The following PIWIL3 variants were observed in gnomAD, a reference collection of about 807,000 sequenced individuals.
The protein encoded by PIWIL3 is piwi like RNA-mediated gene silencing 3, also known as piwi-like protein 3.
Under a neutral mutation model 109.7 loss-of-function variants are expected in PIWIL3, and 101 were observed. That is an observed-to-expected ratio of 0.92 (90% CI 0.78 to 1.09). PIWIL3 has a LOEUF of 1.09. Among genes scored for constraint, PIWIL3 ranks in the 50% least tolerant of loss-of-function variants. The pLI is 0.00. For synonymous variants in PIWIL3, 373 were observed against 376.4 expected (o/e 0.99, Z 0.10); for missense variants, 1,031 against 1,072.6 (o/e 0.96, Z 0.54).
At chr22:24,750,182 T>A (rs1221860675) in intron 9 of PIWIL3, among the ~76,000 whole-genome samples, 1 of 152,006 alleles carries the variant, frequency 6.6e-6, no homozygotes, top group Non-Finnish European at 1.5e-5. Context: ...AGAGGACAGT[T>A]TAAAGAGGGG....
rs1412141783 is a variant in PIWIL3 at position 24,724,867 on chromosome 22, T to C, written c.2231+20A>G. 1 of 1,608,216 alleles carries C rather than the reference T, an allele frequency of 6.2e-7. No homozygotes were observed. The highest frequency in any genetic ancestry group is 1.1e-5 in the South Asian group (1 of 90,216). ...GATTACAGGCATGAGTCACTACACA[T>C]TACAATTAATACAACCTACTTGTTA... On this transcript the variant is annotated intron_variant, in intron 18 of 20. Coordinates refer to ENST00000616349, the MANE Select transcript of PIWIL3 (RefSeq NM_001255975.1).
intron 14 of PIWIL3, among the ~76,000 whole-genome samples, chr22:24,730,222 A>T (rs938986131): frequency 1.3e-5 from 2 of 151,924 alleles, no homozygotes; most frequent in African/African-American, 2.4e-5. Flanking sequence ...AAAATTATCC[A>T]GGCATGGTGG....
At chr22:24,757,161 C>T (rs988517967) in intron 4 of PIWIL3, among the ~76,000 whole-genome samples, 3 of 151,308 alleles carry the variant, frequency 2.0e-5, no homozygotes, top group Non-Finnish European at 2.9e-5. Context: ...ATTTGTAATG[C>T]ACCTGATGTC....
intron 1 of PIWIL3, among the ~76,000 whole-genome samples, chr22:24,772,780 G>T (rs902735390): frequency 2.0e-5 from 3 of 152,244 alleles, no homozygotes; most frequent in Non-Finnish European, 4.4e-5. Context: ...GTGTCACAAT[G>T]ACATCGGGAA....
At chr22:24,758,648 T>G (rs1286549001) in intron 3 of PIWIL3, among the ~76,000 whole-genome samples, 1 of 152,228 alleles carries the variant, frequency 6.6e-6, no homozygotes. Context: ...CGTCTGTGCC[T>G]TGGGTTACAA....
intron 2 of PIWIL3, 100 bp downstream of exon 2, chr22:24,762,298 G>C (rs1925483522): frequency 6.7e-7 from 1 of 1,497,008 alleles, no homozygotes; most frequent in African/African-American, 1.4e-5. Flanking sequence ...TCCTCACTTA[G>C]CACTATACCT....
At chr22:24,762,583 G>T (rs916922074) in intron 1 of PIWIL3, 62 bp from the exon 2 acceptor site, 6 of 1,330,872 alleles carry the variant, frequency 4.5e-6, no homozygotes, top group Non-Finnish European at 6.1e-6. Context: ...CTCTCTTTAG[G>T]GTTGCTACAA....
In PIWIL3 at chr22:24,749,006, T is replaced by A. The variant is rs1924543630; in HGVS notation, c.1350A>T (p.Arg450=). ...TCAAATCCCAGAGTTGAAGTAACTC[T>A]CGTACTTTTTTATTACTGAAAATTA... ...INTLQDNKKV[R]ELLQLWDLKF... is the part of the protein sequence containing the mutation. The change falls in exon 12 of 21, where the codon CGA becomes CGT. Residue 450 remains arginine (R), a synonymous_variant. Transcript: ENST00000616349. 1 of 1,611,260 alleles carries A rather than the reference T, an allele frequency of 6.2e-7. No homozygotes were observed. The highest frequency in any genetic ancestry group is 1.7e-5 in the Admixed American group (1 of 59,538).
At chr22:24,765,918 T>C (rs1166867951) in intron 1 of PIWIL3, among the ~76,000 whole-genome samples, 5 of 151,988 alleles carry the variant, frequency 3.3e-5, no homozygotes, top group African/African-American at 1.2e-4. Flanking sequence ...TTTAGAGGCA[T>C]TGTTAGTTTA....
At chr22:24,745,929 C>T (rs1231737377) in intron 12 of PIWIL3, among the ~76,000 whole-genome samples, 1 of 151,998 alleles carries the variant, frequency 6.6e-6, no homozygotes, top group Non-Finnish European at 1.5e-5. Context: ...AAAACCAGAA[C>T]AGACCAATAA....
At chr22:24,762,060 G>A in intron 2 of PIWIL3, 1 of 965,390 alleles carries the variant, frequency 1.0e-6, no homozygotes, top group Non-Finnish European at 1.3e-6. Context: ...TCTAACTCAG[G>A]CTATGCCAGT....
At chr22:24,721,880 T>A (rs919898276) in intron 19 of PIWIL3, among the ~76,000 whole-genome samples, 1 of 152,220 alleles carries the variant, frequency 6.6e-6, no homozygotes, top group Admixed American at 6.5e-5. Context: ...TGCATCCTCA[T>A]AACAAGAAAA....
At chr22:24,739,349 A>G (rs942982476) in intron 12 of PIWIL3, among the ~76,000 whole-genome samples, 2 of 152,202 alleles carry the variant, frequency 1.3e-5, no homozygotes, top group Non-Finnish European at 2.9e-5. Flanking sequence ...CTAAGTATAA[A>G]GTGGTTACAG....
intron 12 of PIWIL3, among the ~76,000 whole-genome samples, chr22:24,744,849 G>A (rs1456009290): frequency 6.6e-6 from 1 of 152,168 alleles, no homozygotes; most frequent in Non-Finnish European, 1.5e-5. Context: ...AGACAAAAAA[G>A]GGAAATGTTG....
At chr22:24,753,559 G>T (rs955601987) in intron 8 of PIWIL3, among the ~76,000 whole-genome samples, 13 of 152,282 alleles carry the variant, frequency 8.5e-5, no homozygotes, top group African/African-American at 2.6e-4. Context: ...AGAAGTGTGA[G>T]TCCTCAAATT....
At chr22:24,735,599 ACT>A (rs1194129620) in intron 13 of PIWIL3, 107 bp downstream of exon 13, 2 of 1,095,694 alleles carry the variant, frequency 1.8e-6, no homozygotes, top group Non-Finnish European at 2.5e-6. Flanking sequence ...GACTTTACAA[ACT>A]CTAAGGTTTT....
In PIWIL3 at chr22:24,757,968, A is replaced by G; in HGVS notation, c.295T>C (p.Phe99Leu). ...PLQERRIGGVFQDLVVNTRQD... is the reference protein window; with the variant it reads ...PLQERRIGGVLQDLVVNTRQD... ...CTGGTGTTCACCACCAGGTCTTGAA[A>G]AACTCCACCAATCCTTCTCTCCTGC... is the stretch of plus-strand genomic sequence containing the variant. Residue 99 changes from phenylalanine to leucine, a missense_variant, in exon 4 of 21, where the codon TTT (phenylalanine) becomes CTT (leucine). By Grantham distance (22) the Phe-to-Leu change is conservative. Transcript: ENST00000616349. The G allele has an allele frequency of 6.2e-7, 1 of 1,614,060 alleles. No homozygotes were observed. Among genetic ancestry groups the G allele is most frequent in the Admixed American group, 1.7e-5 (1 of 59,990 alleles).
At chr22:24,739,282 C>T (rs1393487387) in intron 12 of PIWIL3, among the ~76,000 whole-genome samples, 1 of 152,066 alleles carries the variant, frequency 6.6e-6, no homozygotes, top group African/African-American at 2.4e-5. Context: ...GATAATGGTA[C>T]AAAGTTCACT....
At position 24,731,727 on chromosome 22, in the gene PIWIL3, G is replaced by C. The variant is rs1482146189; in HGVS notation, c.1707+2357C>G. 2.0e-5 allele frequency among the ~76,000 whole-genome samples: 3 copies of C among 152,100 alleles called. 1 individual carries two copies. Among genetic ancestry groups the C allele is most frequent in the African/African-American group, 7.2e-5 (3 of 41,488 alleles). On this transcript the variant is annotated intron_variant, in intron 14 of 20. Transcript: ENST00000616349. Reference sequence around the variant, plus strand: ...TTAGACATAGACATATAGCTTAGAAGGTATATAAGCTCTGAAAACTTTGTA... The same window carrying C: ...TTAGACATAGACATATAGCTTAGAACGTATATAAGCTCTGAAAACTTTGTA...
Sources: gnomAD v4.1 joint callset for allele counts (sites outside exome capture counted in the v4.1 genomes callset) on GRCh38, gnomAD v4.1.1 for gene constraint, MANE v1.5 for transcripts, NCBI Gene and HGNC (gene_info 2026-07-23, HGNC 2026-07-21) for gene names.